Variants in NCOA7 observed in about 807,000 individuals in gnomAD.
The protein encoded by NCOA7 is 140 kDa estrogen receptor-associated protein.
NCOA7 carries 45 observed loss-of-function variants against 104.3 expected under a neutral mutation model. The observed-to-expected ratio is 0.43, with a 90% CI of 0.34 to 0.55. NCOA7 has a LOEUF of 0.55. Ranked by LOEUF, NCOA7 falls within the 20% of genes least tolerant of loss-of-function variation. NCOA7 has a pLI of 0.02. For synonymous variants in NCOA7, 398 were observed against 402.3 expected (o/e 0.99, Z 0.13); for missense variants, 1,041 against 1,119.7 (o/e 0.93, Z 1.00).
intron 1 of NCOA7, among the ~76,000 whole-genome samples, chr6:125,813,224 A>G (rs1475102299): frequency 1.3e-5 from 2 of 152,092 alleles, no homozygotes; most frequent in African/African-American, 2.4e-5. Context: ...AGCATGAGCA[A>G]TTGATGGCCT....
At chr6:125,899,785 A>G (rs966551470) in intron 10 of NCOA7, 1 of 218,130 alleles carries the variant, frequency 4.6e-6, no homozygotes, top group Non-Finnish European at 1.0e-5. Context: ...ACACCCTCTT[A>G]GGCAACCACC....
intron 1 of NCOA7, among the ~76,000 whole-genome samples, chr6:125,792,783 A>G (rs1774978364): frequency 6.6e-6 from 1 of 152,146 alleles, no homozygotes. Flanking sequence ...ATTTTGAAAA[A>G]AAAAAAGAAA....
chr6:125,811,067 A>G (rs1336735452), intron 1 of NCOA7, among the ~76,000 whole-genome samples: 4 of 152,204 alleles, frequency 2.6e-5, no homozygotes, highest in Admixed American at 6.5e-5. Context: ...TGGAAATTTA[A>G]TAGAAATCAT....
chr6:125,861,286 A>G (rs970357604), intron 3 of NCOA7, among the ~76,000 whole-genome samples: 4 of 152,104 alleles, frequency 2.6e-5, no homozygotes, highest in African/African-American at 9.7e-5. Context: ...ACTTTTTCTT[A>G]ATGTTTTTTT....
At chr6:125,921,724 T>C (rs897667775) in intron 12 of NCOA7, among the ~76,000 whole-genome samples, 6 of 152,190 alleles carry the variant, frequency 3.9e-5, no homozygotes, top group African/African-American at 1.4e-4. Context: ...AGAGTTCCCA[T>C]AGCTTTGATG....
At chr6:125,920,291 T>C (rs1341159172) in intron 11 of NCOA7, among the ~76,000 whole-genome samples, 2 of 152,218 alleles carry the variant, frequency 1.3e-5, no homozygotes, top group African/African-American at 4.8e-5. Flanking sequence ...TCGTTATTTC[T>C]AACAGAAGTG....
intron 7 of NCOA7, 154 bp downstream of exon 7, chr6:125,882,705 C>T: frequency 2.5e-6 from 2 of 803,516 alleles, no homozygotes; most frequent in Non-Finnish European, 1.9e-6. Flanking sequence ...CTGTTGGATG[C>T]CTGGAATTTT....
rs200452167 is a variant in NCOA7 at position 125,825,732 on chromosome 6, C to CT, written c.50+10337dup. 7.9e-3 allele frequency among the ~76,000 whole-genome samples: 1,196 copies of CT among 151,338 alleles called. 26 individuals carry two copies. The highest frequency in any genetic ancestry group is 0.027 in the African/African-American group (1,117 of 41,318). ...ATTTCCATTTCCATGGCTCCAACAT[C>CT]TTTTTTTTTGTCTTTTAAGGGGGAT... On this transcript the variant is annotated intron_variant, in intron 2 of 15. Coordinates refer to ENST00000392477, the MANE Select transcript of NCOA7 (RefSeq NM_181782.5).
intron 10 of NCOA7, among the ~76,000 whole-genome samples, chr6:125,893,042 C>G (rs1216258473): frequency 6.6e-6 from 1 of 152,192 alleles, no homozygotes; most frequent in Non-Finnish European, 1.5e-5. Context: ...ATTTTTGTTT[C>G]TAATCCATGA....
At chr6:125,904,391 T>C (rs563529684) in intron 10 of NCOA7, among the ~76,000 whole-genome samples, 1 of 152,276 alleles carries the variant, frequency 6.6e-6, no homozygotes, top group African/African-American at 2.4e-5. Flanking sequence ...CTCTGTCCTT[T>C]TTACAGAATT....
intron 1 of NCOA7, among the ~76,000 whole-genome samples, chr6:125,794,111 C>A (rs1364627925): frequency 3.3e-5 from 5 of 152,156 alleles, no homozygotes; most frequent in Non-Finnish European, 4.4e-5. Context: ...TATGCCCACA[C>A]TGAGGGATTT....
At chr6:125,857,146 G>A (rs1228488905) in intron 3 of NCOA7, among the ~76,000 whole-genome samples, 1 of 152,144 alleles carries the variant, frequency 6.6e-6, no homozygotes, top group African/African-American at 2.4e-5. Context: ...AGATACTTCT[G>A]TACTATTAAT....
At chr6:125,791,487 AG>A (rs774163952) in intron 1 of NCOA7, among the ~76,000 whole-genome samples, 1 of 152,202 alleles carries the variant, frequency 6.6e-6, no homozygotes, top group Non-Finnish European at 1.5e-5. Flanking sequence ...AGACAGGCAA[AG>A]GGTTATTAGT....
intron 1 of NCOA7, among the ~76,000 whole-genome samples, chr6:125,805,983 T>C (rs1275323374): frequency 6.6e-6 from 1 of 152,202 alleles, no homozygotes; most frequent in African/African-American, 2.4e-5. Context: ...TTAGGTAACT[T>C]ACCCAAGGCT....
intron 10 of NCOA7, among the ~76,000 whole-genome samples, chr6:125,899,127 A>G (rs1266807494): frequency 6.6e-6 from 1 of 152,222 alleles, no homozygotes; most frequent in African/African-American, 2.4e-5. Context: ...TATAATGAGA[A>G]TCATAAAAAA....
At chr6:125,788,037 A>G (rs1338291749), upstream of NCOA7, among the ~76,000 whole-genome samples, 2 of 152,206 alleles carry the variant, frequency 1.3e-5, no homozygotes, top group Admixed American at 1.3e-4. Flanking sequence ...ATTCTTAAAG[A>G]TTACCATGTT....
chr6:125,892,984 C>T (rs1277014123), intron 10 of NCOA7, among the ~76,000 whole-genome samples: 1 of 152,182 alleles, frequency 6.6e-6, no homozygotes, highest in African/African-American at 2.4e-5. Flanking sequence ...GAAGATGAAG[C>T]AGTCCCATGG....
chr6:125,851,325 C>T (rs962017518), intron 2 of NCOA7, among the ~76,000 whole-genome samples: 1 of 152,138 alleles, frequency 6.6e-6, no homozygotes, highest in Non-Finnish European at 1.5e-5. Flanking sequence ...GCTTAGCTCC[C>T]ACTTATAAGC....
chr6:125,850,914 A>G (rs550787549), intron 2 of NCOA7, among the ~76,000 whole-genome samples: 261 of 152,316 alleles, frequency 1.7e-3, no homozygotes, highest in African/African-American at 5.9e-3. Context: ...CTCACGCAGG[A>G]CTTTTGATCA....
Sources: gnomAD v4.1 joint callset for allele counts (sites outside exome capture counted in the v4.1 genomes callset) on GRCh38, gnomAD v4.1.1 for gene constraint, MANE v1.5 for transcripts, NCBI Gene and HGNC (gene_info 2026-07-23, HGNC 2026-07-21) for gene names.